ZDHHC18: variants seen among roughly 807,000 people sequenced by gnomAD.
ZDHHC18 encodes palmitoyltransferase ZDHHC18.
A neutral mutation model predicts 37.5 loss-of-function variants in ZDHHC18; 23 were observed. The ratio of observed to expected loss-of-function variants is 0.61; its 90% confidence interval spans 0.44 to 0.87. The LOEUF (loss-of-function observed/expected upper bound fraction) is 0.87, where lower values mean the gene tolerates loss of function less well. Ranked by LOEUF, ZDHHC18 falls within the 40% of genes least tolerant of loss-of-function variation. The pLI is 0.00. For synonymous variants in ZDHHC18, 185 were observed against 218.7 expected (o/e 0.85, Z 1.36); for missense variants, 406 against 525.6 (o/e 0.77, Z 2.22).
chr1:26,846,890 T>C (rs1337610000), intron 2 of ZDHHC18, among the ~76,000 whole-genome samples: 1 of 150,402 alleles, frequency 6.6e-6, no homozygotes, highest in Non-Finnish European at 1.5e-5. Context: ...AGAAAATTCA[T>C]TGTTCCTAAT....
rs563876651 is a variant in ZDHHC18 at position 26,857,223 on chromosome 1, C to G, written c.*3380C>G. On this transcript the variant is annotated 3_prime_UTR_variant, in exon 8 of 8. Coordinates refer to ENST00000374142, the MANE Select transcript of ZDHHC18 (RefSeq NM_032283.3). ...GGCCTTAGAGCCTGCCCCTCCACCC[C>G]CTCAGATCAGGCATAGCCATAGTCA... 1.3e-5 allele frequency: 2 copies of G among 152,462 alleles called. No individual in the cohort carries two copies. Among genetic ancestry groups the G allele is most frequent in the South Asian group, 4.1e-4 (2 of 4,834 alleles). 9.4% of individuals were successfully genotyped at this position (152,462 alleles called of 1,614,324 possible). A position where few individuals can be genotyped will look rare whatever the true frequency, so the allele number is the denominator to read the frequency against.
At chr1:26,853,195 C>T (rs1413050605) in intron 7 of ZDHHC18, 4 of 275,194 alleles carry the variant, frequency 1.5e-5, no homozygotes, top group South Asian at 4.5e-5. Context: ...GACTGGGTGG[C>T]GACTCCATCC....
Position 26,826,773 on chromosome 1 carries a change from G to T in ZDHHC18, c.-32G>T. The T allele has an allele frequency of 1.0e-6, 1 of 965,080 alleles. No homozygotes were observed. The highest frequency in any genetic ancestry group is 1.2e-6 in the Non-Finnish European group (1 of 813,704). 59.8% of individuals were successfully genotyped at this position (965,080 alleles called of 1,614,324 possible). On this transcript the variant is annotated 5_prime_UTR_variant, in exon 1 of 8. Transcript: ENST00000374142. The surrounding 1 kb of genome is among the most constrained non-coding windows in gnomAD (Gnocchi z 5.2). ...TCCCGGAGTGGCCCGGCCGGCCCGC[G>T]GGGCGCGGAGCCGAGGCCCGCGGCT...
chr1:26,847,043 A>C (rs992674325), intron 2 of ZDHHC18, among the ~76,000 whole-genome samples: 5 of 151,648 alleles, frequency 3.3e-5, no homozygotes, highest in African/African-American at 7.3e-5. Flanking sequence ...CTACAGGCAC[A>C]CGCCACCACA....
At chr1:26,829,829 G>A (rs1268102710) in intron 1 of ZDHHC18, among the ~76,000 whole-genome samples, 1 of 152,208 alleles carries the variant, frequency 6.6e-6, no homozygotes, top group African/African-American at 2.4e-5. Flanking sequence ...CTAGCTGTGG[G>A]CCTGGGAGAG....
At chr1:26,827,804 C>T (rs189074159) in intron 1 of ZDHHC18, among the ~76,000 whole-genome samples, 163 of 152,260 alleles carry the variant, frequency 1.1e-3, no homozygotes, top group Non-Finnish European at 2.0e-3. Flanking sequence ...GCCCCCTTTC[C>T]TTCTCCAGAA....
chr1:26,836,642 C>G (rs2124252538), intron 2 of ZDHHC18, among the ~76,000 whole-genome samples: 1 of 148,818 alleles, frequency 6.7e-6, no homozygotes, highest in Non-Finnish European at 1.5e-5. Context: ...AATCTCAGCT[C>G]ACTGCAACCT....
At chr1:26,828,248 C>T (rs761462954) in intron 1 of ZDHHC18, among the ~76,000 whole-genome samples, 9 of 149,876 alleles carry the variant, frequency 6.0e-5, no homozygotes, top group African/African-American at 9.8e-5. Context: ...TCCCAACTCC[C>T]CATCCTTTGT....
intron 2 of ZDHHC18, among the ~76,000 whole-genome samples, chr1:26,838,021 G>C (rs1179534213): frequency 1.3e-5 from 2 of 151,182 alleles, no homozygotes; most frequent in African/African-American, 2.4e-5. Context: ...TTTAAGACAG[G>C]GTTTTGCTCT....
intron 1 of ZDHHC18, among the ~76,000 whole-genome samples, chr1:26,829,739 T>C (rs577089162): frequency 1.3e-5 from 2 of 151,576 alleles, no homozygotes; most frequent in Non-Finnish European, 2.9e-5. Flanking sequence ...ATTGACAGTG[T>C]ATTTGAATTA....
chr1:26,835,888 A>G (rs180899691), intron 2 of ZDHHC18, among the ~76,000 whole-genome samples: 31 of 151,980 alleles, frequency 2.0e-4, no homozygotes, highest in South Asian at 1.0e-3. Flanking sequence ...CAGCCCAGCA[A>G]CTCCAGCCCA....
Position 26,857,165 on chromosome 1 carries a change from C to T in ZDHHC18, c.*3322C>T, listed in dbSNP as rs2081738824. The T allele has an allele frequency of 6.6e-6, 1 of 152,456 alleles. No homozygotes were observed. Among genetic ancestry groups the T allele is most frequent in the Non-Finnish European group, 1.5e-5 (1 of 68,200 alleles). 9.4% of individuals were successfully genotyped at this position (152,456 alleles called of 1,614,324 possible). ...CTCTCTCCTCCACTGACTTCCCCTT[C>T]CCGGATTTGTGAGGTGTCAAGACTA... On this transcript the variant is annotated 3_prime_UTR_variant, in exon 8 of 8. Coordinates refer to ENST00000374142, the MANE Select transcript of ZDHHC18 (RefSeq NM_032283.3).
chr1:26,841,697 G>A (rs12746395), intron 2 of ZDHHC18, among the ~76,000 whole-genome samples: 1 of 151,924 alleles, frequency 6.6e-6, no homozygotes, highest in East Asian at 1.9e-4. Context: ...CATCCTGGAG[G>A]GTCATGGCAT....
Position 26,853,877 on chromosome 1 carries a change from C to A in ZDHHC18, c.*34C>A. 1 of 1,587,230 alleles carries A rather than the reference C, an allele frequency of 6.3e-7. No individual in the cohort carries two copies. The highest frequency in any genetic ancestry group is 8.6e-7 in the Non-Finnish European group (1 of 1,158,536). ...CAGTACTTGCCACCTGCTGGCCTGT[C>A]TGACCCTCCGCACTCACCTGCCGGG... is the stretch of plus-strand genomic sequence containing the variant. On this transcript the variant is annotated 3_prime_UTR_variant, in exon 8 of 8. Transcript: ENST00000374142.
At chr1:26,853,170 G>A in intron 7 of ZDHHC18, 1 of 292,774 alleles carries the variant, frequency 3.4e-6, no homozygotes, top group African/African-American at 2.2e-5. Flanking sequence ...TGCCCTTCCG[G>A]TTGCCCACTG....
At chr1:26,852,679 C>G in intron 6 of ZDHHC18, 74 bp from the exon 7 acceptor site, 1 of 1,331,264 alleles carries the variant, frequency 7.5e-7, no homozygotes, top group Non-Finnish European at 1.1e-6. Flanking sequence ...CAGTTGTCCC[C>G]AGCCTCTAGA....
intron 1 of ZDHHC18, among the ~76,000 whole-genome samples, chr1:26,829,236 G>T (rs1487158585): frequency 6.6e-6 from 1 of 152,156 alleles, no homozygotes; most frequent in Non-Finnish European, 1.5e-5. Context: ...GAATGGCTTT[G>T]CTTCTTTGTT....
Position 26,853,829 on chromosome 1 carries a change from G to T in ZDHHC18, c.1153G>T (p.Gly385Ter). Residue 385 changes from glycine to a stop codon, truncating the protein, a stop_gained, in exon 8 of 8, where the codon GGA becomes TGA. Coordinates refer to ENST00000374142, the MANE Select transcript of ZDHHC18 (RefSeq NM_032283.3). LOFTEE classifies it high-confidence loss of function. ...CRAKPDASMVGGHP is the reference protein window; with the variant it reads ...CRAKPDASMV ...AGCCAAGCCTGATGCCAGCATGGTAGGAGGCCACCCCTGACCACGGCTCAG... is the reference window on the plus strand; with the variant it reads ...AGCCAAGCCTGATGCCAGCATGGTATGAGGCCACCCCTGACCACGGCTCAG... 6.2e-7 allele frequency: 1 copy of T among 1,613,694 alleles called. No individual in the cohort carries two copies. Among genetic ancestry groups the T allele is most frequent in the Non-Finnish European group, 8.5e-7 (1 of 1,180,022 alleles).
At chr1:26,848,028 A>C (rs898977212) in intron 2 of ZDHHC18, among the ~76,000 whole-genome samples, 1 of 152,056 alleles carries the variant, frequency 6.6e-6, no homozygotes, top group Admixed American at 6.6e-5. Context: ...AATAAACCTC[A>C]CTGGCTGGGC....
Sources: gnomAD v4.1 joint callset for allele counts (sites outside exome capture counted in the v4.1 genomes callset) on GRCh38, gnomAD v4.1.1 for gene constraint, Gnocchi (gnomAD v3.1) non-coding constraint, MANE v1.5 for transcripts, NCBI Gene and HGNC (gene_info 2026-07-23, HGNC 2026-07-21) for gene names.